DRC1: variants seen among roughly 807,000 people sequenced by gnomAD.
The protein encoded by DRC1 is dynein regulatory complex protein 1.
In DRC1, 74 loss-of-function variants were observed where a neutral mutation model predicts 98.7. The ratio of observed to expected loss-of-function variants is 0.75; its 90% CI spans 0.62 to 0.91. DRC1 has a LOEUF of 0.91. DRC1 is among the 40% of genes least tolerant of loss of function. DRC1 has a pLI of 0.00. For synonymous variants in DRC1, 336 were observed against 334.1 expected, an observed-to-expected ratio of 1.01 and a Z score of -0.06; for missense variants, 875 against 886.0, an observed-to-expected ratio of 0.99 and a Z score of 0.16.
At chr2:26,420,766 C>CTT (rs749876428) in intron 2 of DRC1, among the ~76,000 whole-genome samples, 1,909 of 68,932 alleles carry the variant, frequency 0.028, 45 homozygotes, top group African/African-American at 0.057. Flanking sequence ...TTTTCTTCTT[C>CTT]TTTTTTTTTT....
intron 7 of DRC1, among the ~76,000 whole-genome samples, chr2:26,439,658 A>G (rs1465921398): frequency 6.6e-6 from 1 of 151,890 alleles, no homozygotes; most frequent in Non-Finnish European, 1.5e-5. Context: ...TGGTGTTTTT[A>G]GAGGGGCTAC....
At chr2:26,441,961 C>T (rs531849673) in intron 8 of DRC1, among the ~76,000 whole-genome samples, 25 of 152,320 alleles carry the variant, frequency 1.6e-4, no homozygotes, top group African/African-American at 6.0e-4. Context: ...TTGTGCTGCT[C>T]TAACAGACTA....
intron 3 of DRC1, among the ~76,000 whole-genome samples, chr2:26,423,131 C>T (rs889343072): frequency 2.0e-5 from 3 of 152,038 alleles, no homozygotes; most frequent in Admixed American, 6.6e-5. Context: ...CGGCAGATTC[C>T]CAGCAGGGTC....
intron 1 of DRC1, among the ~76,000 whole-genome samples, chr2:26,406,813 C>CTTTTTTTTTT (rs5830010): frequency 3.9e-5 from 4 of 101,606 alleles, no homozygotes; most frequent in African/African-American, 8.6e-5. Context: ...TGTCACTTTC[C>CTTTTTTTTTT]TTTTTTTTTT....
chr2:26,404,403 A>G (rs965830911), intron 1 of DRC1, among the ~76,000 whole-genome samples: 1 of 152,066 alleles, frequency 6.6e-6, no homozygotes, highest in Admixed American at 6.5e-5. Flanking sequence ...TGGCCCAATC[A>G]GTAGCCACAC....
chr2:26,439,046 C>A (rs1663645110), intron 7 of DRC1, among the ~76,000 whole-genome samples: 1 of 152,130 alleles, frequency 6.6e-6, no homozygotes, highest in African/African-American at 2.4e-5. Context: ...CCATTGACTT[C>A]AGGATAATGC....
intron 6 of DRC1, among the ~76,000 whole-genome samples, chr2:26,431,091 G>A (rs890311711): frequency 6.6e-6 from 1 of 150,464 alleles, no homozygotes; most frequent in African/African-American, 2.4e-5. Flanking sequence ...CTCCCGAATA[G>A]CTGGGATTAC....
In DRC1 at chr2:26,414,335, C is replaced by G; in HGVS notation, c.156-9C>G. On this transcript the variant is annotated splice_polypyrimidine_tract_variant and intron_variant, in intron 1 of 16. Coordinates refer to ENST00000288710, the MANE Select transcript of DRC1 (RefSeq NM_145038.5). The stretch of plus-strand genomic sequence containing the variant: ...ATAACTTCATTTTCTCTGCTTTTTT[C>G]CATCACAGGGAAGCACTTGGAGAAT... 1 of 1,610,472 alleles carries G rather than the reference C, an allele frequency of 6.2e-7. No homozygotes were observed. Among genetic ancestry groups the G allele is most frequent in the South Asian group, 1.1e-5 (1 of 90,574 alleles).
chr2:26,409,655 G>A (rs1678534295), intron 1 of DRC1, among the ~76,000 whole-genome samples: 2 of 152,160 alleles, frequency 1.3e-5, no homozygotes, highest in Admixed American at 6.5e-5. Context: ...GACACATTCA[G>A]CAACAACTAG....
chr2:26,430,438 G>A (rs976239895), intron 5 of DRC1: 2 of 461,480 alleles, frequency 4.3e-6, no homozygotes, highest in African/African-American at 2.0e-5. Flanking sequence ...CCATGGCAAC[G>A]AACGCATCAG....
intron 1 of DRC1, among the ~76,000 whole-genome samples, chr2:26,405,646 G>A (rs1353910063): frequency 7.2e-6 from 1 of 138,230 alleles, no homozygotes; most frequent in Non-Finnish European, 1.6e-5. Context: ...TTTTTTAAAG[G>A]CTATATCTTT....
rs1572361072 is a variant in DRC1, at chr2:26,421,282, T to C, written c.244-6T>C. On this transcript the variant is annotated splice_polypyrimidine_tract_variant and splice_region_variant and intron_variant, in intron 2 of 16. Coordinates refer to ENST00000288710, the MANE Select transcript of DRC1 (RefSeq NM_145038.5). Reference sequence around the variant, plus strand: ...GCTTTGTAAATTCTTATATCTCTCTTTTTAGAAATTGGCTAAACTTCTGCT... The same window carrying C: ...GCTTTGTAAATTCTTATATCTCTCTCTTTAGAAATTGGCTAAACTTCTGCT... 6.2e-7 allele frequency: 1 copy of C among 1,611,768 alleles called. No individual in the cohort carries two copies. The highest frequency in any genetic ancestry group is 1.1e-5 in the South Asian group (1 of 90,848).
chr2:26,412,772 TTTTTTGTTTTTG>T (rs1466699612), intron 1 of DRC1, among the ~76,000 whole-genome samples: 1 of 152,108 alleles, frequency 6.6e-6, no homozygotes, highest in Non-Finnish European at 1.5e-5. Flanking sequence ...TATAAGCCTG[TTTTTTGTTTTTG>T]TTTTTGTTTT....
chr2:26,434,137 T>C (rs1008392073), intron 7 of DRC1, among the ~76,000 whole-genome samples: 1 of 152,180 alleles, frequency 6.6e-6, no homozygotes, highest in Admixed American at 6.5e-5. Flanking sequence ...AGTTCTAAAA[T>C]ATGGAACTAA....
In DRC1 at chr2:26,402,520, C is replaced by G. The variant is rs181358860; in HGVS notation, c.155+376C>G. 2.6e-4 allele frequency among the ~76,000 whole-genome samples: 40 copies of G among 152,356 alleles called. No individual in the cohort carries two copies. The South Asian group carries it at 5.0e-3, about 19-fold the overall frequency. On this transcript the variant is annotated intron_variant, in intron 1 of 16. Transcript: ENST00000288710. ...GGCCCAAGTAGCCTGGCTGCTTACA[C>G]TGTGGCCTGGGTCCTTTCTTGTTCC...
intron 10 of DRC1, among the ~76,000 whole-genome samples, chr2:26,447,012 C>T (rs901766021): frequency 6.6e-6 from 1 of 151,736 alleles, no homozygotes; most frequent in African/African-American, 2.4e-5. Context: ...ATCGCTTGAA[C>T]CCGGGAGGTG....
rs562811354 is a variant in DRC1, at chr2:26,418,088, C to T, written c.244-3200C>T. On this transcript the variant is annotated intron_variant, in intron 2 of 16. Coordinates refer to ENST00000288710, the MANE Select transcript of DRC1 (RefSeq NM_145038.5). ...TCCAGGTTCTGCTCTGGATTTCCTG[C>T]GGATACATCCCCTCAAGTAGACTTG... Among the ~76,000 whole-genome samples the T allele has an allele frequency of 7.2e-5, 11 of 152,166 alleles. No individual in the cohort carries two copies. The East Asian group carries it at 7.8e-4, about 11-fold the overall frequency.
intron 7 of DRC1, among the ~76,000 whole-genome samples, chr2:26,435,452 T>C (rs771226396): frequency 6.6e-6 from 1 of 152,256 alleles, no homozygotes; most frequent in Non-Finnish European, 1.5e-5. Context: ...TCAGGGTACA[T>C]GTGCAGGTTT....
intron 2 of DRC1, among the ~76,000 whole-genome samples, chr2:26,416,597 G>A (rs559636672): frequency 3.3e-5 from 5 of 152,158 alleles, no homozygotes; most frequent in East Asian, 1.9e-4. Context: ...TCTGTCTGTC[G>A]TGTAAGGGTA....
Sources: gnomAD v4.1 joint callset for allele counts (sites outside exome capture counted in the v4.1 genomes callset) on GRCh38, gnomAD v4.1.1 for gene constraint, MANE v1.5 for transcripts, NCBI Gene and HGNC (gene_info 2026-07-23, HGNC 2026-07-21) for gene names.